Variants in TAFA1 observed in about 807,000 individuals in gnomAD.
TAFA1 encodes the protein chemokine-like protein TAFA-1.
A neutral mutation model predicts 18.5 loss-of-function variants in TAFA1; 4 were observed. The observed-to-expected ratio is 0.22, with a 90% confidence interval of 0.11 to 0.49. TAFA1 has a LOEUF of 0.49. Among genes scored for constraint, TAFA1 ranks in the 20% least tolerant of loss-of-function variants. TAFA1 has a pLI of 0.98. For missense variants in TAFA1, 147 were observed against 169.0 expected (o/e 0.87, Z 0.72); for synonymous variants, 56 against 55.2 (o/e 1.01, Z -0.06).
intron 2 of TAFA1, among the ~76,000 whole-genome samples, chr3:68,324,873 G>T (rs2068752726): frequency 6.6e-6 from 1 of 152,158 alleles, no homozygotes; most frequent in South Asian, 2.1e-4. Flanking sequence ...GGGATGATTT[G>T]TTCTGTTTTG....
intron 2 of TAFA1, among the ~76,000 whole-genome samples, chr3:68,066,307 A>G (rs994466688): frequency 6.6e-6 from 1 of 152,200 alleles, no homozygotes; most frequent in Non-Finnish European, 1.5e-5. Context: ...ATGAGAGCAG[A>G]TAAGTTTATC....
intron 2 of TAFA1, among the ~76,000 whole-genome samples, chr3:68,280,139 T>C (rs976187300): frequency 1.3e-5 from 2 of 152,154 alleles, no homozygotes; most frequent in African/African-American, 2.4e-5. Flanking sequence ...AAAGAAGCAC[T>C]TGAGAAAACA....
chr3:68,137,122 G>GA (rs1559534035), intron 2 of TAFA1, among the ~76,000 whole-genome samples: 1 of 151,994 alleles, frequency 6.6e-6, no homozygotes. Flanking sequence ...TACTTTATGG[G>GA]AAAAATCTCT....
chr3:68,362,413 G>A (rs262232), intron 2 of TAFA1, among the ~76,000 whole-genome samples: 28,550 of 152,054 alleles, frequency 0.19, 3,180 homozygotes, highest in Non-Finnish European at 0.24. Context: ...GACTGAAGAC[G>A]GAGAAATGGT....
At chr3:68,215,557 G>A (rs1466422218) in intron 2 of TAFA1, among the ~76,000 whole-genome samples, 1 of 152,000 alleles carries the variant, frequency 6.6e-6, no homozygotes, top group African/African-American at 2.4e-5. Flanking sequence ...ATATTGTTAA[G>A]AGAATGAAAA....
chr3:68,069,655 G>T (rs2064727109), intron 2 of TAFA1, among the ~76,000 whole-genome samples: 1 of 152,132 alleles, frequency 6.6e-6, no homozygotes, highest in African/African-American at 2.4e-5. Flanking sequence ...CTGAGACAAG[G>T]CAAGTCCCTT....
At chr3:68,443,473 CAAA>C (rs56944130) in intron 3 of TAFA1, among the ~76,000 whole-genome samples, 18,265 of 96,256 alleles carry the variant, frequency 0.19, 1,666 homozygotes, top group East Asian at 0.41. Flanking sequence ...GGGCAATTTA[CAAA>C]AAAAAAAAAA....
chr3:68,145,379 A>G lies in TAFA1; in HGVS notation c.118+138635A>G. On this transcript the variant is annotated intron_variant, in intron 2 of 4. Coordinates refer to ENST00000478136, the MANE Select transcript of TAFA1 (RefSeq NM_213609.4). ...CTTTGCCCTGGTCTCTCAAGCATAT[A>G]CTTCAATCATCACTGATGATTTTGC... The G allele has an allele frequency of 3.6e-6, 3 of 828,968 alleles. No individual in the cohort carries two copies. In the Admixed American group the frequency reaches 5.1e-5, roughly 14 times the overall value. The allele number at this position is 828,968 out of a possible 1,614,324, so 51.4% of individuals were successfully genotyped here.
chr3:68,514,607 A>G (rs911349780), intron 3 of TAFA1, among the ~76,000 whole-genome samples: 3 of 151,800 alleles, frequency 2.0e-5, no homozygotes, highest in African/African-American at 7.3e-5. Flanking sequence ...CCATCTTTCT[A>G]TTCTGTTTTC....
At chr3:68,144,602 T>G (rs1255317240) in intron 2 of TAFA1, among the ~76,000 whole-genome samples, 1 of 152,224 alleles carries the variant, frequency 6.6e-6, no homozygotes, top group Non-Finnish European at 1.5e-5. Flanking sequence ...TGTTTCCCCA[T>G]TGGCTACTTA....
At chr3:68,408,084 T>C (rs1202272860) in intron 2 of TAFA1, among the ~76,000 whole-genome samples, 1 of 152,096 alleles carries the variant, frequency 6.6e-6, no homozygotes, top group Non-Finnish European at 1.5e-5. Flanking sequence ...ACAACCCTGA[T>C]CAAAAAGTCC....
chr3:68,016,107 T>C (rs1559702971), intron 2 of TAFA1, among the ~76,000 whole-genome samples: 1 of 152,222 alleles, frequency 6.6e-6, no homozygotes, highest in Non-Finnish European at 1.5e-5. Flanking sequence ...CATTATCAAT[T>C]AAGTTTGCTG....
At chr3:68,366,085 CAA>C (rs35861602) in intron 2 of TAFA1, among the ~76,000 whole-genome samples, 7 of 93,816 alleles carry the variant, frequency 7.5e-5, no homozygotes, top group South Asian at 4.0e-4. Context: ...GACTCCATCT[CAA>C]AAAAAAAAAA....
At chr3:68,074,780 G>T (rs2064804645) in intron 2 of TAFA1, among the ~76,000 whole-genome samples, 1 of 152,142 alleles carries the variant, frequency 6.6e-6, no homozygotes, top group Admixed American at 6.5e-5. Context: ...ATTTTCTTTG[G>T]ATAAATTGCT....
At position 68,499,442 on chromosome 3, in the gene TAFA1, C is replaced by CT. The variant is rs765191097; in HGVS notation, c.260-39311dup. 8.3e-4 allele frequency among the ~76,000 whole-genome samples: 73 copies of CT among 88,052 alleles called. 5 individuals carry two copies. The South Asian group carries it at 0.019, about 22-fold the overall frequency. The allele number at this position is 88,052 out of a possible 152,430, so 57.8% of individuals were successfully genotyped here. A position where few individuals can be genotyped will look rare whatever the true frequency, so the allele number is the denominator to read the frequency against. On this transcript the variant is annotated intron_variant, in intron 3 of 4. Coordinates refer to ENST00000478136, the MANE Select transcript of TAFA1 (RefSeq NM_213609.4). Reference sequence around the variant, plus strand: ...CTTTGTTTTCTTTCTTTCTGTGTTCCTTTCTTTTTTTTTTTTTTTTTTGAG... The same window carrying CT: ...CTTTGTTTTCTTTCTTTCTGTGTTCCTTTTCTTTTTTTTTTTTTTTTTTGAG...
intron 2 of TAFA1, among the ~76,000 whole-genome samples, chr3:68,073,177 G>GT (rs1303523999): frequency 2.6e-5 from 4 of 152,098 alleles, no homozygotes; most frequent in Admixed American, 2.0e-4. Context: ...AGGCTTTGCT[G>GT]TTTTTTTGGG....
intron 2 of TAFA1, among the ~76,000 whole-genome samples, chr3:68,091,944 G>A (rs1174210049): frequency 6.6e-6 from 1 of 152,088 alleles, no homozygotes; most frequent in Non-Finnish European, 1.5e-5. Flanking sequence ...CTTGTCCTGT[G>A]TTTTCATCTC....
intron 4 of TAFA1, among the ~76,000 whole-genome samples, chr3:68,543,628 A>G (rs2106798719): frequency 1.3e-5 from 2 of 152,256 alleles, no homozygotes; most frequent in Admixed American, 1.3e-4. Flanking sequence ...CTCTAGCCTC[A>G]GAACACTCAA....
intron 3 of TAFA1, 151 bp downstream of exon 3, chr3:68,417,571 G>T: frequency 1.4e-6 from 1 of 724,796 alleles, no homozygotes. Context: ...AGCAGAGTTT[G>T]AATTCTTTTT....
Sources: gnomAD v4.1 joint callset for allele counts (sites outside exome capture counted in the v4.1 genomes callset) on GRCh38, gnomAD v4.1.1 for gene constraint, MANE v1.5 for transcripts, NCBI Gene and HGNC (gene_info 2026-07-23, HGNC 2026-07-21) for gene names.